ARMC3: variants seen among roughly 807,000 people sequenced by gnomAD.
ARMC3 encodes the protein armadillo repeat-containing protein 3.
ARMC3 carries 74 observed loss-of-function variants against 90.3 expected under a neutral mutation model. The ratio of observed to expected loss-of-function variants is 0.82; its 90% CI spans 0.68 to 0.99. ARMC3 has a LOEUF of 0.99. ARMC3 is among the 50% of genes least tolerant of loss of function. The pLI, the probability that ARMC3 is intolerant of heterozygous loss-of-function variation, is 0.00. For synonymous variants in ARMC3, 334 were observed against 361.8 expected, an observed-to-expected ratio of 0.92 and a Z score of 0.87; for missense variants, 958 against 1,042.8, an observed-to-expected ratio of 0.92 and a Z score of 1.12.
At chr10:23,036,342 G>A (rs1839127527) in intron 18 of ARMC3, among the ~76,000 whole-genome samples, 1 of 152,106 alleles carries the variant, frequency 6.6e-6, no homozygotes, top group South Asian at 2.1e-4. Flanking sequence ...GTGACCTGGT[G>A]CAGTCATTAT....
chr10:22,979,741 A>T (rs1165685975), intron 8 of ARMC3, among the ~76,000 whole-genome samples: 1 of 152,206 alleles, frequency 6.6e-6, no homozygotes, highest in South Asian at 2.1e-4. Flanking sequence ...TCGGAGCCAC[A>T]TACTTTAGAG....
chr10:22,964,567 T>C (rs903883898), intron 7 of ARMC3, among the ~76,000 whole-genome samples: 1 of 151,772 alleles, frequency 6.6e-6, no homozygotes, highest in Admixed American at 6.6e-5. Context: ...GCCTCCCAAC[T>C]AGCTGGGATT....
At chr10:23,009,140 T>C (rs4747451) in intron 16 of ARMC3, among the ~76,000 whole-genome samples, 136,541 of 152,322 alleles carry the variant, frequency 0.9, 61,555 homozygotes, top group African/African-American at 0.92. Flanking sequence ...CCAAAAACTC[T>C]GGTCACTTGG....
chr10:22,929,359 A>G (rs1833845188), intron 1 of ARMC3, among the ~76,000 whole-genome samples: 1 of 151,936 alleles, frequency 6.6e-6, no homozygotes, highest in Non-Finnish European at 1.5e-5. Context: ...AAGAAATAGT[A>G]TTGATCTCTC....
intron 8 of ARMC3, among the ~76,000 whole-genome samples, chr10:22,968,863 A>G (rs1203914907): frequency 6.6e-6 from 1 of 152,168 alleles, no homozygotes; most frequent in Non-Finnish European, 1.5e-5. Flanking sequence ...TCAACACTAG[A>G]GCATTTGTCT....
chr10:22,957,695 G>A (rs1299229934), intron 4 of ARMC3, among the ~76,000 whole-genome samples: 1 of 152,126 alleles, frequency 6.6e-6, no homozygotes. Flanking sequence ...AGGTAACAGA[G>A]GCATACAGAA....
At chr10:23,025,563 G>C (rs1232202665) in intron 16 of ARMC3, among the ~76,000 whole-genome samples, 1 of 151,938 alleles carries the variant, frequency 6.6e-6, no homozygotes, top group Non-Finnish European at 1.5e-5. Context: ...TTAAAATAAA[G>C]CATATCAAAA....
chr10:22,996,474 C>T (rs531016294), intron 10 of ARMC3, among the ~76,000 whole-genome samples: 197 of 152,142 alleles, frequency 1.3e-3, no homozygotes, highest in Non-Finnish European at 1.7e-3. Flanking sequence ...GGGACGTCAT[C>T]CTAGAGAAAG....
intron 2 of ARMC3, among the ~76,000 whole-genome samples, chr10:22,935,680 TA>T (rs1834080889): frequency 1.3e-5 from 2 of 152,150 alleles, no homozygotes; most frequent in Admixed American, 1.3e-4. Context: ...TATGAATTAA[TA>T]AAAAATATAA....
At chr10:22,977,514 C>T (rs1478508040) in intron 8 of ARMC3, among the ~76,000 whole-genome samples, 4 of 152,220 alleles carry the variant, frequency 2.6e-5, no homozygotes, top group African/African-American at 7.2e-5. Flanking sequence ...GTATTAAAGT[C>T]GGGCTCCTTC....
intron 3 of ARMC3, among the ~76,000 whole-genome samples, chr10:22,953,306 A>G (rs752744262): frequency 6.6e-6 from 1 of 152,230 alleles, no homozygotes; most frequent in African/African-American, 2.4e-5. Flanking sequence ...CTACTGAGAT[A>G]TATATCAGAC....
chr10:22,929,473 A>G (rs1833848984), intron 1 of ARMC3, among the ~76,000 whole-genome samples: 1 of 152,200 alleles, frequency 6.6e-6, no homozygotes, highest in South Asian at 2.1e-4. Flanking sequence ...TCCATAGCTC[A>G]TTGCCACCGA....
chr10:22,966,797 T>G (rs372043457), intron 7 of ARMC3, among the ~76,000 whole-genome samples: 1 of 152,152 alleles, frequency 6.6e-6, no homozygotes, highest in African/African-American at 2.4e-5. Flanking sequence ...CAAACACTTA[T>G]AAAACCATCA....
chr10:22,952,693 T>C (rs961596650), intron 3 of ARMC3, among the ~76,000 whole-genome samples: 2 of 151,898 alleles, frequency 1.3e-5, no homozygotes, highest in African/African-American at 4.9e-5. Flanking sequence ...ACCACTACTG[T>C]ATAAAGGCCC....
At chr10:23,010,642 C>T (rs1230730132) in intron 16 of ARMC3, among the ~76,000 whole-genome samples, 1 of 135,600 alleles carries the variant, frequency 7.4e-6, no homozygotes, top group East Asian at 2.3e-4. Flanking sequence ...CTTCTCTCTC[C>T]TTCCCTTTCC....
At chr10:22,983,189 A>G (rs1836269007) in intron 10 of ARMC3, among the ~76,000 whole-genome samples, 1 of 152,178 alleles carries the variant, frequency 6.6e-6, no homozygotes, top group Non-Finnish European at 1.5e-5. Flanking sequence ...TTACATTTGT[A>G]TATGATCTAG....
chr10:23,009,274 T>C (rs11013236), intron 16 of ARMC3, among the ~76,000 whole-genome samples: 7,354 of 152,248 alleles, frequency 0.048, 576 homozygotes, highest in African/African-American at 0.17. Flanking sequence ...TGAGGGTTTC[T>C]GCCTCCCACT....
rs114024163 is a variant in ARMC3 at position 23,006,857 on chromosome 10, C to T, written c.1732-27C>T. 2,903 of 1,604,024 alleles carry T rather than the reference C, an allele frequency of 1.8e-3. 36 individuals carry two copies. The African/African-American group carries it at 0.03, about 16-fold the overall frequency. On this transcript the variant is annotated intron_variant, in intron 13 of 18. Transcript: ENST00000298032. ...GAAAATATGACCCCTGCAGATACTA[C>T]TTTTTGGTCCTTAAATTATCTCACA...
chr10:22,983,542 GT>G (rs201077087), intron 10 of ARMC3, among the ~76,000 whole-genome samples: 1 of 151,536 alleles, frequency 6.6e-6, no homozygotes, highest in African/African-American at 2.4e-5. Context: ...TGTCCATTCT[GT>G]TTTTTTTAAA....
Sources: allele counts gnomAD v4.1 joint callset (sites outside exome capture counted in the v4.1 genomes callset), GRCh38; gene constraint gnomAD v4.1.1; transcripts MANE v1.5; gene names NCBI Gene and HGNC (gene_info 2026-07-23, HGNC 2026-07-21).